KAT6B: variants seen among roughly 807,000 people sequenced by gnomAD.
KAT6B encodes histone acetyltransferase KAT6B.
Under a neutral mutation model 187.5 loss-of-function variants are expected in KAT6B, and 10 were observed. The observed-to-expected ratio is 0.05, with a 90% CI of 0.03 to 0.09. KAT6B has a LOEUF of 0.09. Among genes scored for constraint, KAT6B ranks in the 10% least tolerant of loss-of-function variants. The pLI is 1.00. For synonymous variants in KAT6B, 861 were observed against 926.8 expected (o/e 0.93, Z 1.29); for missense variants, 1,952 against 2,558.9 (o/e 0.76, Z 5.12).
intron 1 of KAT6B, among the ~76,000 whole-genome samples, chr10:74,829,466 T>C (rs1450852231): frequency 6.6e-6 from 1 of 151,890 alleles, no homozygotes; most frequent in Non-Finnish European, 1.5e-5. Context: ...GTTTTTTTTT[T>C]TTTTTTGAGA....
At position 75,021,232 on chromosome 10, in the gene KAT6B, A is replaced by G. The variant is rs1845384425; in HGVS notation, c.2968A>G (p.Ile990Val). ...TCCAGACAGTCTGAGGTGGACCCCA[A>G]TTTTAATTTCTAATGCTGCAGTGTC... ...LDPDSLRWTP[I>V]LISNAAVSEE... The change falls in exon 15 of 18, where the codon ATT becomes GTT. Residue 990 changes from isoleucine to valine, a missense_variant. Physicochemically the swap from Ile to Val is conservative, Grantham distance 29. Around this residue, in one of 9 missense-constraint regions of KAT6B, gnomAD observed 758 missense variants for 891.4 expected, o/e 0.85. Coordinates refer to ENST00000287239, the MANE Select transcript of KAT6B (RefSeq NM_012330.4). 1.9e-6 allele frequency: 3 copies of G among 1,614,058 alleles called. No homozygotes were observed. Among genetic ancestry groups the G allele is most frequent in the East Asian group, 2.2e-5 (1 of 44,892 alleles).
At chr10:74,841,652 C>T (rs558366510) in intron 2 of KAT6B, among the ~76,000 whole-genome samples, 2 of 152,152 alleles carry the variant, frequency 1.3e-5, no homozygotes, top group Non-Finnish European at 2.9e-5. Context: ...CCATCTTCTC[C>T]CGAGCCTCAG....
chr10:74,866,699 G>A (rs1447237057), intron 3 of KAT6B, among the ~76,000 whole-genome samples: 1 of 141,970 alleles, frequency 7.0e-6, no homozygotes, highest in Non-Finnish European at 1.5e-5. Flanking sequence ...GCTGGATATT[G>A]TTGTCTGCCA....
chr10:74,865,546 T>TA (rs968129258), intron 3 of KAT6B, among the ~76,000 whole-genome samples: 37 of 151,816 alleles, frequency 2.4e-4, no homozygotes, highest in African/African-American at 7.7e-4. Context: ...GATGGAGTCT[T>TA]ACTCTGTCAC....
At chr10:75,022,585 T>C (rs1330287068) in intron 16 of KAT6B, among the ~76,000 whole-genome samples, 1 of 152,190 alleles carries the variant, frequency 6.6e-6, no homozygotes, top group East Asian at 1.9e-4. Flanking sequence ...GAGACTTCTC[T>C]AAGGTCATAT....
intron 3 of KAT6B, among the ~76,000 whole-genome samples, chr10:74,898,268 A>G (rs1338005837): frequency 6.6e-6 from 1 of 152,076 alleles, no homozygotes; most frequent in African/African-American, 2.4e-5. Context: ...TGGGCTTTGG[A>G]CTGAGCTGCT....
At chr10:75,028,239 A>G (rs985680120) in intron 17 of KAT6B, among the ~76,000 whole-genome samples, 3 of 152,196 alleles carry the variant, frequency 2.0e-5, no homozygotes, top group African/African-American at 7.2e-5. Context: ...ATTAAATTCA[A>G]ATAAGCACAT....
chr10:75,030,225 A>G lies in KAT6B; in HGVS notation c.5401A>G (p.Ser1801Gly). 1 of 1,614,174 alleles carries G rather than the reference A, an allele frequency of 6.2e-7. No homozygotes were observed. Among genetic ancestry groups the G allele is most frequent in the Non-Finnish European group, 8.5e-7 (1 of 1,180,028 alleles). Reference sequence around the variant, plus strand: ...TGGCTTATACGAGCGAATGGGTCAGAGTGATTTTGGGGCTGGGCATTACCC... The same window carrying G: ...TGGCTTATACGAGCGAATGGGTCAGGGTGATTTTGGGGCTGGGCATTACCC... ...NIGLYERMGQ[S>G]DFGAGHYPQP... The change falls in exon 18 of 18, where the codon AGT (serine) becomes GGT (glycine). Residue 1801 changes from serine (S) to glycine (G), a missense_variant. Ser to Gly is a moderately conservative substitution (Grantham distance 56, BLOSUM62 0). Coordinates refer to ENST00000287239, the MANE Select transcript of KAT6B (RefSeq NM_012330.4). This position sits in a 1 kb window ranked among gnomAD's most constrained non-coding sequence, Gnocchi z 4.8.
chr10:74,865,881 C>T (rs931689710), intron 3 of KAT6B, among the ~76,000 whole-genome samples: 1 of 152,108 alleles, frequency 6.6e-6, no homozygotes, highest in Non-Finnish European at 1.5e-5. Context: ...TAACCAAATG[C>T]CGTGCATGGA....
chr10:74,861,856 T>C (rs1458833996), intron 3 of KAT6B, among the ~76,000 whole-genome samples: 1 of 152,214 alleles, frequency 6.6e-6, no homozygotes. Context: ...GGAAGTACTC[T>C]ACAAGAAATT....
chr10:74,899,957 A>G (rs1846264056), intron 3 of KAT6B, among the ~76,000 whole-genome samples: 1 of 152,230 alleles, frequency 6.6e-6, no homozygotes, highest in African/African-American at 2.4e-5. Flanking sequence ...GTGCAAGATT[A>G]AAATCTCTAG....
chr10:74,844,857 A>T (rs1288263409), intron 3 of KAT6B, among the ~76,000 whole-genome samples: 5 of 152,226 alleles, frequency 3.3e-5, no homozygotes, highest in Admixed American at 3.3e-4. Context: ...CTTTTGGGTG[A>T]GCAGATATAT....
In KAT6B at chr10:75,015,774, A is replaced by T. The variant is rs76474476; in HGVS notation, c.2630-4808A>T. On this transcript the variant is annotated intron_variant, in intron 13 of 17. Coordinates refer to ENST00000287239, the MANE Select transcript of KAT6B (RefSeq NM_012330.4). The stretch of plus-strand genomic sequence containing the variant: ...AAGTGTGTAATCCTCAAAGATTATC[A>T]TCCCCTAAAAGCAGCTGGTGACCCC... Among the ~76,000 whole-genome samples, 64 of 152,342 alleles carry T rather than the reference A, an allele frequency of 4.2e-4. 2 individuals are homozygous for T. The highest frequency in any genetic ancestry group is 1.5e-3 in the African/African-American group (62 of 41,588).
chr10:74,832,728 G>A (rs1276666766), intron 1 of KAT6B, among the ~76,000 whole-genome samples: 2 of 151,902 alleles, frequency 1.3e-5, no homozygotes, highest in Non-Finnish European at 2.9e-5. Flanking sequence ...TCAAACTCCT[G>A]ACCTCAGGTG....
intron 8 of KAT6B, 44 bp from the exon 9 acceptor site, chr10:74,977,271 TG>T (rs1279696600): frequency 6.2e-7 from 1 of 1,605,222 alleles, no homozygotes; most frequent in Non-Finnish European, 8.5e-7. Context: ...TGGTTACTCA[TG>T]ATTCAAGTCA....
chr10:74,906,765 T>C lies in KAT6B; in HGVS notation c.622-53205T>C, dbSNP rs552168689. 3.9e-4 allele frequency among the ~76,000 whole-genome samples: 59 copies of C among 152,338 alleles called. 1 individual carries two copies. The South Asian group carries it at 9.3e-3, about 24-fold the overall frequency. ...GTTTACAGTCTTGGCTTCAGTCCAC[T>C]TTTCTGACTTAACACCCAGACCCCT... On this transcript the variant is annotated intron_variant, in intron 3 of 17. Coordinates refer to ENST00000287239, the MANE Select transcript of KAT6B (RefSeq NM_012330.4).
chr10:74,874,433 G>A (rs1313313334), intron 3 of KAT6B, among the ~76,000 whole-genome samples: 1 of 152,042 alleles, frequency 6.6e-6, no homozygotes, highest in African/African-American at 2.4e-5. Context: ...AGGCTGGAGT[G>A]CAGTGGCGCA....
intron 3 of KAT6B, among the ~76,000 whole-genome samples, chr10:74,933,942 T>G (rs2133204898): frequency 6.6e-6 from 1 of 152,116 alleles, no homozygotes; most frequent in Admixed American, 6.5e-5. Flanking sequence ...TCCTAGCACT[T>G]TGGGAGGCCG....
intron 2 of KAT6B, among the ~76,000 whole-genome samples, chr10:74,840,312 A>G (rs1841643359): frequency 6.6e-6 from 1 of 152,208 alleles, no homozygotes; most frequent in African/African-American, 2.4e-5. Flanking sequence ...GGGTTAAGAA[A>G]CTGGGATATG....
Sources: gnomAD v4.1 joint callset for allele counts (sites outside exome capture counted in the v4.1 genomes callset) on GRCh38, gnomAD v4.1.1 for gene constraint, gnomAD v4.1.1 regional missense constraint, Gnocchi (gnomAD v3.1) non-coding constraint, MANE v1.5 for transcripts, NCBI Gene and HGNC (gene_info 2026-07-23, HGNC 2026-07-21) for gene names.